The following GPR158 variants were observed in gnomAD, a reference collection of about 807,000 sequenced individuals.
GPR158 encodes the protein G protein-coupled receptor 158, also known as metabotropic glycine receptor.
A neutral mutation model predicts 78.2 loss-of-function variants in GPR158; 30 were observed. The ratio of observed to expected loss-of-function variants is 0.38; its 90% CI spans 0.29 to 0.52. The LOEUF (loss-of-function observed/expected upper bound fraction) is 0.52. GPR158 is among the 20% of genes least tolerant of loss of function. GPR158 has a pLI of 0.83. For synonymous variants in GPR158, 581 were observed against 591.1 expected (o/e 0.98, Z 0.25); for missense variants, 1,463 against 1,523.5 (o/e 0.96, Z 0.66).
chr10:25,305,677 T>C (rs1283483134), intron 2 of GPR158, among the ~76,000 whole-genome samples: 2 of 152,092 alleles, frequency 1.3e-5, no homozygotes, highest in Non-Finnish European at 2.9e-5. Context: ...CCCTTAACCA[T>C]GGTTTTTAAC....
intron 2 of GPR158, among the ~76,000 whole-genome samples, chr10:25,346,519 G>T (rs1224020219): frequency 1.3e-5 from 2 of 151,812 alleles, no homozygotes; most frequent in Non-Finnish European, 2.9e-5. Flanking sequence ...GCATCCTTAG[G>T]TGCACATTAA....
intron 2 of GPR158, among the ~76,000 whole-genome samples, chr10:25,252,899 G>GCCCCT (rs1010309892): frequency 6.6e-6 from 1 of 151,902 alleles, no homozygotes; most frequent in Non-Finnish European, 1.5e-5. Context: ...AATGGCGGGC[G>GCCCCT]CCCCTCCCCC....
intron 2 of GPR158, among the ~76,000 whole-genome samples, chr10:25,342,245 A>ATT (rs35373506): frequency 0.61 from 91,043 of 149,378 alleles, 29,514 homozygotes; most frequent in Non-Finnish European, 0.75. Context: ...GAACTGTTTT[A>ATT]TTTTTTTTTT....
At chr10:25,533,109 G>C (rs1234486040) in intron 5 of GPR158, among the ~76,000 whole-genome samples, 5 of 152,112 alleles carry the variant, frequency 3.3e-5, no homozygotes, top group African/African-American at 4.8e-5. Flanking sequence ...GAATATTCTT[G>C]CATATATATT....
chr10:25,338,624 A>ACATATTATATATAT (rs1855260901), intron 2 of GPR158, among the ~76,000 whole-genome samples: 2 of 148,026 alleles, frequency 1.4e-5, no homozygotes, highest in African/African-American at 2.4e-5. Flanking sequence ...TCATATAAAT[A>ACATATTATATATAT]TATAAGCTCT....
chr10:25,564,482 A>G (rs938166751), intron 6 of GPR158, among the ~76,000 whole-genome samples: 1 of 152,152 alleles, frequency 6.6e-6, no homozygotes, highest in African/African-American at 2.4e-5. Flanking sequence ...TTGCCTTTAA[A>G]CTTTTAGATA....
intron 4 of GPR158, among the ~76,000 whole-genome samples, chr10:25,444,331 T>C (rs1169408383): frequency 1.3e-5 from 2 of 151,398 alleles, no homozygotes; most frequent in African/African-American, 4.9e-5. Flanking sequence ...GTGTGGTGTG[T>C]GTTGGGTTGT....
intron 2 of GPR158, among the ~76,000 whole-genome samples, chr10:25,273,400 CTT>C (rs36068886): frequency 6.9e-4 from 84 of 122,022 alleles, no homozygotes; most frequent in African/African-American, 2.1e-3. Flanking sequence ...ACATTGGCAT[CTT>C]TTTTTTTTTT....
At chr10:25,236,414 G>T (rs999222983) in intron 2 of GPR158, among the ~76,000 whole-genome samples, 1 of 152,008 alleles carries the variant, frequency 6.6e-6, no homozygotes, top group Non-Finnish European at 1.5e-5. Context: ...AGGCTGAGGC[G>T]GGAGAATGGC....
chr10:25,343,432 G>T (rs138427790), intron 2 of GPR158, among the ~76,000 whole-genome samples: 144 of 152,020 alleles, frequency 9.5e-4, no homozygotes, highest in Non-Finnish European at 1.7e-3. Flanking sequence ...GTGTAACTCT[G>T]CTAGCATAAT....
intron 2 of GPR158, among the ~76,000 whole-genome samples, chr10:25,380,468 GTTCA>G (rs1286687223): frequency 1.3e-5 from 2 of 152,010 alleles, no homozygotes; most frequent in African/African-American, 2.4e-5. Flanking sequence ...ATATAATGCA[GTTCA>G]TTCATTTTTC....
At chr10:25,220,375 C>A (rs973438733) in intron 1 of GPR158, among the ~76,000 whole-genome samples, 2 of 152,148 alleles carry the variant, frequency 1.3e-5, no homozygotes, top group African/African-American at 4.8e-5. Context: ...GCTTTCTTTG[C>A]AATTTAGCTT....
intron 5 of GPR158, among the ~76,000 whole-genome samples, chr10:25,517,780 TTTG>T (rs1169402550): frequency 6.6e-6 from 1 of 151,508 alleles, no homozygotes; most frequent in East Asian, 1.9e-4. Flanking sequence ...TTGCCAGTAT[TTTG>T]TTGAGGATTT....
At chr10:25,523,589 G>A (rs1208904731) in intron 5 of GPR158, among the ~76,000 whole-genome samples, 1 of 152,178 alleles carries the variant, frequency 6.6e-6, no homozygotes, top group Non-Finnish European at 1.5e-5. Flanking sequence ...ATGTTTTTCT[G>A]CTACAGAAAG....
chr10:25,194,148 C>A (rs1330896615), intron 1 of GPR158, among the ~76,000 whole-genome samples: 1 of 152,168 alleles, frequency 6.6e-6, no homozygotes, highest in African/African-American at 2.4e-5. Flanking sequence ...TCTTGACACA[C>A]ACGTTGCTGC....
chr10:25,571,541 T>G (rs528126136), intron 6 of GPR158, among the ~76,000 whole-genome samples: 3 of 152,330 alleles, frequency 2.0e-5, no homozygotes, highest in Admixed American at 2.0e-4. Flanking sequence ...ATGTGTTTAT[T>G]TTTATGCTTT....
intron 2 of GPR158, among the ~76,000 whole-genome samples, chr10:25,224,068 T>C (rs1275598004): frequency 6.6e-6 from 1 of 152,078 alleles, no homozygotes; most frequent in Non-Finnish European, 1.5e-5. Flanking sequence ...GTGAAGAAAA[T>C]AATCTCTCAG....
intron 2 of GPR158, among the ~76,000 whole-genome samples, chr10:25,247,327 T>A (rs572483762): frequency 3.0e-4 from 45 of 151,874 alleles, no homozygotes; most frequent in South Asian, 1.9e-3. Flanking sequence ...CTTTTTTTTT[T>A]ATTATACTTT....
intron 5 of GPR158, among the ~76,000 whole-genome samples, chr10:25,511,085 T>C (rs1004551393): frequency 1.3e-5 from 2 of 152,222 alleles, no homozygotes; most frequent in Non-Finnish European, 2.9e-5. Flanking sequence ...CTAGATCAAA[T>C]GGTAGTTCTA....
Sources: gnomAD v4.1 joint callset for allele counts (sites outside exome capture counted in the v4.1 genomes callset) on GRCh38, gnomAD v4.1.1 for gene constraint, MANE v1.5 for transcripts, NCBI Gene and HGNC (gene_info 2026-07-23, HGNC 2026-07-21) for gene names.